IRAG1: variants seen among roughly 807,000 people sequenced by gnomAD.
IRAG1 encodes the protein IP3R-associated cGMP kinase substrate.
A neutral mutation model predicts 106.2 loss-of-function variants in IRAG1; 62 were observed. The observed-to-expected ratio is 0.58, with a 90% CI of 0.48 to 0.72. The LOEUF is 0.72. Ranked by LOEUF, IRAG1 falls within the 30% of genes least tolerant of loss-of-function variation. IRAG1 has a pLI of 0.00. For missense variants in IRAG1, 1,064 were observed against 1,140.7 expected, an observed-to-expected ratio of 0.93 and a Z score of 0.97; for synonymous variants, 462 against 443.9, an observed-to-expected ratio of 1.04 and a Z score of -0.51.
chr11:10,596,169 G>A (rs1853285606), intron 15 of IRAG1, among the ~76,000 whole-genome samples: 1 of 152,168 alleles, frequency 6.6e-6, no homozygotes, highest in South Asian at 2.1e-4. Context: ...TTGTGAGCAT[G>A]TGTTTGAGTT....
chr11:10,620,572 T>C (rs1451228999), intron 10 of IRAG1, among the ~76,000 whole-genome samples: 1 of 152,130 alleles, frequency 6.6e-6, no homozygotes, highest in Non-Finnish European at 1.5e-5. Context: ...TCCTAGCAAA[T>C]TAATTGAAAT....
intron 1 of IRAG1, 109 bp downstream of exon 1, chr11:10,693,427 T>C: frequency 6.8e-7 from 1 of 1,470,216 alleles, no homozygotes; most frequent in Non-Finnish European, 9.0e-7. Context: ...CCCTGGAAAG[T>C]TAAAGTTTAG....
Position 10,576,028 on chromosome 11 carries a change from T to G in IRAG1, c.*304A>C. 2.8e-6 allele frequency: 1 copy of G among 354,846 alleles called. No individual in the cohort carries two copies. The highest frequency in any genetic ancestry group is 5.3e-6 in the Non-Finnish European group (1 of 187,572). 22.0% of individuals were successfully genotyped at this position (354,846 alleles called of 1,614,324 possible). ...TTACCCCCAACCACCAGTGAAGGTGTTTTAGTTCTCCCCAGCCACCTGAGC... is the reference window on the plus strand; with the variant it reads ...TTACCCCCAACCACCAGTGAAGGTGGTTTAGTTCTCCCCAGCCACCTGAGC... On this transcript the variant is annotated 3_prime_UTR_variant, in exon 21 of 21. Coordinates refer to ENST00000423302, the MANE Select transcript of IRAG1 (RefSeq NM_130385.4).
intron 1 of IRAG1, among the ~76,000 whole-genome samples, chr11:10,685,686 C>T (rs1307491519): frequency 2.7e-5 from 4 of 149,826 alleles, no homozygotes; most frequent in Non-Finnish European, 4.4e-5. Context: ...TATACCACTG[C>T]ACTCCAGCCC....
intron 10 of IRAG1, chr11:10,616,908 T>C: frequency 4.8e-6 from 2 of 420,898 alleles, no homozygotes; most frequent in Non-Finnish European, 6.4e-6. Flanking sequence ...ACTAGCTCAT[T>C]CCAATGAAAA....
chr11:10,649,617 G>T (rs1445697883), intron 2 of IRAG1, among the ~76,000 whole-genome samples: 1 of 152,152 alleles, frequency 6.6e-6, no homozygotes, highest in Non-Finnish European at 1.5e-5. Flanking sequence ...TAGGACCTGG[G>T]CTTCTCGGCT....
Position 10,606,254 on chromosome 11 carries a change from GC to G in IRAG1, c.1602+487del, listed in dbSNP as rs1854468172. ...CTCACAACCCCGCTGGGACAAGGAG[GC>G]CCCAGTGAGGAAACCGGAAGGCTGG... On this transcript the variant is annotated intron_variant, in intron 12 of 20. Transcript: ENST00000423302. Among the ~76,000 whole-genome samples, 4 of 152,286 alleles carry G rather than the reference GC, an allele frequency of 2.6e-5. No homozygotes were observed. In the South Asian group the frequency reaches 8.3e-4, roughly 32 times the overall value.
chr11:10,674,908 A>G (rs764427455), intron 1 of IRAG1, among the ~76,000 whole-genome samples: 7 of 152,230 alleles, frequency 4.6e-5, no homozygotes, highest in Non-Finnish European at 1.0e-4. Flanking sequence ...AATAGCCCCA[A>G]GTCACATCCT....
intron 15 of IRAG1, among the ~76,000 whole-genome samples, chr11:10,598,221 C>A (rs1853551635): frequency 6.6e-6 from 1 of 152,212 alleles, no homozygotes; most frequent in Non-Finnish European, 1.5e-5. Flanking sequence ...ATAACCAAGG[C>A]TGACACTTGT....
intron 18 of IRAG1, among the ~76,000 whole-genome samples, chr11:10,588,477 G>C (rs1048608864): frequency 6.6e-6 from 1 of 152,182 alleles, no homozygotes; most frequent in East Asian, 1.9e-4. Context: ...AGCCTCCTGA[G>C]TAGCTGGGAC....
chr11:10,583,274 G>T (rs1401844468), intron 18 of IRAG1, among the ~76,000 whole-genome samples: 1 of 152,120 alleles, frequency 6.6e-6, no homozygotes, highest in African/African-American at 2.4e-5. Context: ...GGAGGACCCA[G>T]GACCAAGTCA....
At chr11:10,671,369 A>G (rs7112032) in intron 1 of IRAG1, among the ~76,000 whole-genome samples, 2,160 of 152,328 alleles carry the variant, frequency 0.014, 47 homozygotes, top group African/African-American at 0.05. Context: ...TGAAATTAAT[A>G]AAGCAATTCT....
In IRAG1 at chr11:10,672,352, C is replaced by T. The variant is rs932532422; in HGVS notation, c.68-20170G>A. ...AAAGTAAATAAATTGGACTTCATCG[C>T]GATACAAAAAATTCTGTATTGAAAG... On this transcript the variant is annotated intron_variant, in intron 1 of 20. Transcript: ENST00000423302. 7.9e-5 allele frequency among the ~76,000 whole-genome samples: 12 copies of T among 151,704 alleles called. No individual in the cohort carries two copies. In the South Asian group the frequency reaches 1.7e-3, roughly 21 times the overall value.
chr11:10,679,441 C>G (rs1860968812), intron 1 of IRAG1, among the ~76,000 whole-genome samples: 1 of 152,190 alleles, frequency 6.6e-6, no homozygotes, highest in Admixed American at 6.5e-5. Flanking sequence ...CCCAACTGCC[C>G]TATGAGGTGG....
chr11:10,668,447 G>A (rs185060389), intron 1 of IRAG1, among the ~76,000 whole-genome samples: 4 of 152,244 alleles, frequency 2.6e-5, no homozygotes, highest in Non-Finnish European at 4.4e-5. Context: ...AACAAACTAT[G>A]GCCTTTGGGC....
chr11:10,638,504 A>G (rs1183044214), intron 2 of IRAG1, among the ~76,000 whole-genome samples: 2 of 123,970 alleles, frequency 1.6e-5, no homozygotes, highest in Non-Finnish European at 3.7e-5. Context: ...GCCAATGGAA[A>G]CTCTGACTGT....
chr11:10,681,194 C>T (rs1350768419), intron 1 of IRAG1, among the ~76,000 whole-genome samples: 2 of 152,194 alleles, frequency 1.3e-5, no homozygotes, highest in African/African-American at 2.4e-5. Context: ...GTAGGGCATA[C>T]TCATCTGCCC....
chr11:10,623,684 C>A, intron 10 of IRAG1, 94 bp downstream of exon 10: 1 of 1,156,344 alleles, frequency 8.6e-7, no homozygotes, highest in Non-Finnish European at 1.3e-6. Context: ...CTGAGGAAGA[C>A]ACAGGAAGTC....
chr11:10,684,514 G>A lies in IRAG1; in HGVS notation c.67+9022C>T, dbSNP rs185323695. Among the ~76,000 whole-genome samples, 1,263 of 151,554 alleles carry A rather than the reference G, an allele frequency of 8.3e-3. 9 individuals carry two copies. The highest frequency in any genetic ancestry group is 0.013 in the Non-Finnish European group (867 of 67,900). ...GGAGATATACCTAATGCTAAATGAC[G>A]AGTTAATGGGTGCAGCACACCAGCA... On this transcript the variant is annotated intron_variant, in intron 1 of 20. Transcript: ENST00000423302.
Sources: allele counts gnomAD v4.1 joint callset (sites outside exome capture counted in the v4.1 genomes callset), GRCh38; gene constraint gnomAD v4.1.1; transcripts MANE v1.5; gene names NCBI Gene and HGNC (gene_info 2026-07-23, HGNC 2026-07-21).